The following PRKAG2 variants were observed in gnomAD, a reference collection of about 807,000 sequenced individuals.
PRKAG2 encodes the protein protein kinase AMP-activated non-catalytic subunit gamma 2.
A neutral mutation model predicts 69.6 loss-of-function variants in PRKAG2; 26 were observed. The ratio of observed to expected loss-of-function variants is 0.37; its 90% CI spans 0.27 to 0.52. The LOEUF (loss-of-function observed/expected upper bound fraction) is 0.52. Among genes scored for constraint, PRKAG2 ranks in the 20% least tolerant of loss-of-function variants. The pLI is 0.90. For synonymous variants in PRKAG2, 293 were observed against 285.0 expected (o/e 1.03, Z -0.28); for missense variants, 557 against 740.0 (o/e 0.75, Z 2.87).
At chr7:151,665,627 T>C (rs1038751114) in intron 4 of PRKAG2, among the ~76,000 whole-genome samples, 6 of 152,218 alleles carry the variant, frequency 3.9e-5, no homozygotes, top group Admixed American at 1.3e-4. Context: ...CTGTAGCTCC[T>C]ACTCCTTGAC....
chr7:151,845,142 C>G (rs982982250), intron 1 of PRKAG2, among the ~76,000 whole-genome samples: 1 of 151,614 alleles, frequency 6.6e-6, no homozygotes, highest in African/African-American at 2.4e-5. Flanking sequence ...GGCAGGATCA[C>G]TGCTCGGCAT....
intron 3 of PRKAG2, among the ~76,000 whole-genome samples, chr7:151,753,828 G>GT (rs55818103): frequency 0.21 from 31,424 of 151,864 alleles, 3,603 homozygotes; most frequent in Admixed American, 0.26. Context: ...AAGCCCAGGT[G>GT]TTTGAGACCA....
rs2302533 is a variant in PRKAG2 at position 151,564,404 on chromosome 7, A to T, written c.1438-180T>A. 71,850 of 615,238 alleles carry T rather than the reference A, an allele frequency of 0.12. 5,101 individuals are homozygous for T. Among genetic ancestry groups the T allele is most frequent in the East Asian group, 0.23 (7,970 of 34,460 alleles). 38.1% of individuals were successfully genotyped at this position (615,238 alleles called of 1,614,324 possible). A position where few individuals can be genotyped will look rare whatever the true frequency, so the allele number is the denominator to read the frequency against. ...ATGCCATTGCTACTGTTATTTTGTC[A>T]ACATATCAATCACAATTAAAGATAA... On this transcript the variant is annotated intron_variant, in intron 13 of 15. Transcript: ENST00000287878.
intron 3 of PRKAG2, among the ~76,000 whole-genome samples, chr7:151,768,746 C>T (rs985122196): frequency 8.5e-5 from 13 of 152,370 alleles, no homozygotes; most frequent in East Asian, 3.9e-4. Context: ...AGATTGTAGG[C>T]GTGAGCCACT....
chr7:151,693,153 C>G (rs1231817596), intron 3 of PRKAG2, among the ~76,000 whole-genome samples: 1 of 152,206 alleles, frequency 6.6e-6, no homozygotes, highest in Non-Finnish European at 1.5e-5. Flanking sequence ...CTCTGCATAT[C>G]CCTGAAAGGT....
At chr7:151,811,271 TTA>T (rs1491265310) in intron 1 of PRKAG2, among the ~76,000 whole-genome samples, 2 of 152,202 alleles carry the variant, frequency 1.3e-5, no homozygotes, top group Non-Finnish European at 2.9e-5. Context: ...GAAGCATCTA[TTA>T]TGTGCTGGCA....
At chr7:151,767,404 C>T (rs1037156554) in intron 3 of PRKAG2, among the ~76,000 whole-genome samples, 1 of 152,240 alleles carries the variant, frequency 6.6e-6, no homozygotes. Context: ...GATTCTCCTG[C>T]CTCAGCCTCC....
At chr7:151,591,030 G>A (rs1340747298) in intron 6 of PRKAG2, among the ~76,000 whole-genome samples, 1 of 152,210 alleles carries the variant, frequency 6.6e-6, no homozygotes, top group Non-Finnish European at 1.5e-5. Context: ...TCGGGAGACA[G>A]GGGCATTGGC....
chr7:151,757,701 G>A (rs191492239), intron 3 of PRKAG2, among the ~76,000 whole-genome samples: 134 of 152,280 alleles, frequency 8.8e-4, no homozygotes, highest in African/African-American at 3.0e-3. Flanking sequence ...CCTCAAAGGC[G>A]TTCCAGACGC....
rs912090260 is a variant in PRKAG2 at position 151,756,219 on chromosome 7, G to C, written c.466+24933C>G. 6.6e-6 allele frequency among the ~76,000 whole-genome samples: 1 copy of C among 152,106 alleles called. No homozygotes were observed. Among genetic ancestry groups the C allele is most frequent in the Non-Finnish European group, 1.5e-5 (1 of 68,008 alleles). The stretch of plus-strand genomic sequence containing the variant: ...GAAAGTGAGGAGTAAAATGACTCAC[G>C]TACAGGTCATGTGAGCAATGCCCCA... On this transcript the variant is annotated intron_variant, in intron 3 of 15. Coordinates refer to ENST00000287878, the MANE Select transcript of PRKAG2 (RefSeq NM_016203.4). The surrounding 1 kb of genome is among the most constrained non-coding windows in gnomAD (Gnocchi z 4.9).
intron 3 of PRKAG2, among the ~76,000 whole-genome samples, chr7:151,693,694 T>G (rs1265892217): frequency 6.6e-6 from 1 of 152,152 alleles, no homozygotes; most frequent in Non-Finnish European, 1.5e-5. Context: ...GGCCGGGCCT[T>G]GGGAGGTGAG....
At chr7:151,761,127 A>G (rs1410074549) in intron 3 of PRKAG2, among the ~76,000 whole-genome samples, 1 of 152,234 alleles carries the variant, frequency 6.6e-6, no homozygotes, top group Admixed American at 6.5e-5. Flanking sequence ...GTCCTTGGTC[A>G]TTCCTGGGCA....
chr7:151,762,158 T>G (rs924656727), intron 3 of PRKAG2, among the ~76,000 whole-genome samples: 1 of 152,086 alleles, frequency 6.6e-6, no homozygotes, highest in Admixed American at 6.5e-5. Flanking sequence ...CATGGACAAA[T>G]GTGATGGACT....
intron 1 of PRKAG2, among the ~76,000 whole-genome samples, chr7:151,866,371 C>A (rs544724244): frequency 6.6e-6 from 1 of 152,348 alleles, no homozygotes; most frequent in South Asian, 2.1e-4. Context: ...GAACCTTACA[C>A]TGTCTTTTCT....
chr7:151,688,264 G>A (rs1249438291), intron 3 of PRKAG2, among the ~76,000 whole-genome samples: 1 of 152,186 alleles, frequency 6.6e-6, no homozygotes, highest in Non-Finnish European at 1.5e-5. Context: ...CATCCTGCCT[G>A]AGCATGTCTG....
rs2078585127 is a variant in PRKAG2 at position 151,814,632 on chromosome 7, G to A, written c.115-28091C>T. ...GGGTTCGGCTGTGCTCCGAGCTGCT[G>A]CCACTGCATGTCTGCAACAGATGGG... On this transcript the variant is annotated intron_variant, in intron 1 of 15. Coordinates refer to ENST00000287878, the MANE Select transcript of PRKAG2 (RefSeq NM_016203.4). The surrounding 1 kb of genome is among the most constrained non-coding windows in gnomAD (Gnocchi z 4.8). The A allele has an allele frequency of 6.5e-6, 8 of 1,231,804 alleles. No homozygotes were observed. The highest frequency in any genetic ancestry group is 7.1e-6 in the Non-Finnish European group (7 of 987,996). The allele number at this position is 1,231,804 out of a possible 1,614,324, so 76.3% of individuals were successfully genotyped here.
At chr7:151,584,997 G>A (rs897484970) in intron 6 of PRKAG2, among the ~76,000 whole-genome samples, 3 of 152,104 alleles carry the variant, frequency 2.0e-5, no homozygotes, top group East Asian at 1.9e-4. Context: ...TCACCTGCCC[G>A]GCACCATGAA....
At chr7:151,755,512 C>T (rs954728771) in intron 3 of PRKAG2, among the ~76,000 whole-genome samples, 1 of 151,866 alleles carries the variant, frequency 6.6e-6, no homozygotes, top group Non-Finnish European at 1.5e-5. Context: ...TGTGCTGGGG[C>T]GGCGTCAAGG....
chr7:151,578,796 TA>T (rs1486148849), intron 6 of PRKAG2, among the ~76,000 whole-genome samples: 3 of 152,216 alleles, frequency 2.0e-5, no homozygotes, highest in African/African-American at 7.2e-5. Context: ...CTTTTGTAAC[TA>T]AATGGCATCC....
Sources: gnomAD v4.1 joint callset for allele counts (sites outside exome capture counted in the v4.1 genomes callset) on GRCh38, gnomAD v4.1.1 for gene constraint, Gnocchi (gnomAD v3.1) non-coding constraint, MANE v1.5 for transcripts, NCBI Gene and HGNC (gene_info 2026-07-23, HGNC 2026-07-21) for gene names.